The following RELN variants were observed in gnomAD, a reference collection of about 807,000 sequenced individuals.
RELN encodes reelin.
RELN carries 108 observed loss-of-function variants against 427.6 expected under a neutral mutation model. The observed-to-expected ratio is 0.25, with a 90% CI of 0.22 to 0.30. The LOEUF is 0.30. RELN is among the 10% of genes least tolerant of loss of function. The probability of loss-of-function intolerance (pLI) is 1.00; values close to 1 mark genes in which losing one functional copy is unlikely to be tolerated. For synonymous variants in RELN, 1,524 were observed against 1,513.4 expected (o/e 1.01, Z -0.16); for missense variants, 3,715 against 4,302.8 (o/e 0.86, Z 3.82).
At chr7:103,947,478 T>G (rs1796244069) in intron 1 of RELN, among the ~76,000 whole-genome samples, 1 of 152,106 alleles carries the variant, frequency 6.6e-6, no homozygotes, top group African/African-American at 2.4e-5. Context: ...AGGAATGCAA[T>G]ATGAAGAAAC....
intron 8 of RELN, among the ~76,000 whole-genome samples, chr7:103,707,164 G>T (rs536271096): frequency 6.6e-6 from 1 of 151,864 alleles, no homozygotes; most frequent in Admixed American, 6.6e-5. Context: ...ATTTATACCC[G>T]TTTTTTCCCT....
At position 103,968,500 on chromosome 7, in the gene RELN, A is replaced by G. The variant is rs928300245; in HGVS notation, c.226+20631T>C. 6.6e-6 allele frequency among the ~76,000 whole-genome samples: 1 copy of G among 152,206 alleles called. No homozygotes were observed. The highest frequency in any genetic ancestry group is 1.5e-5 in the Non-Finnish European group (1 of 68,034). ...GAAATTAGGGGACAGAAAAAAAAATAAAAGTATGAAAGAAATTGTAAAAGG... is the reference window on the plus strand; with the variant it reads ...GAAATTAGGGGACAGAAAAAAAAATGAAAGTATGAAAGAAATTGTAAAAGG... On this transcript the variant is annotated intron_variant, in intron 1 of 64. Transcript: ENST00000428762. The surrounding 1 kb of genome is among the most constrained non-coding windows in gnomAD (Gnocchi z 4.3).
chr7:103,742,629 C>A (rs1188386667), intron 6 of RELN, among the ~76,000 whole-genome samples: 1 of 152,132 alleles, frequency 6.6e-6, no homozygotes, highest in Admixed American at 6.5e-5. Context: ...GCAGAAGCCT[C>A]AGTAGCCAAT....
At chr7:103,762,956 C>T (rs2116140319) in intron 4 of RELN, among the ~76,000 whole-genome samples, 1 of 152,184 alleles carries the variant, frequency 6.6e-6, no homozygotes, top group East Asian at 1.9e-4. Context: ...GATGCATGCC[C>T]CCAGGACTTC....
chr7:103,754,121 T>C (rs1791072490), intron 4 of RELN, among the ~76,000 whole-genome samples: 1 of 152,110 alleles, frequency 6.6e-6, no homozygotes, highest in African/African-American at 2.4e-5. Context: ...AGGCCAAATA[T>C]TTCTTAAGAT....
At chr7:103,954,527 T>C (rs1796396520) in intron 1 of RELN, among the ~76,000 whole-genome samples, 1 of 152,222 alleles carries the variant, frequency 6.6e-6, no homozygotes, top group Non-Finnish European at 1.5e-5. Context: ...TCATCCTTTC[T>C]GGACATTCAC....
At chr7:103,486,167 G>A in intron 61 of RELN, 30 bp downstream of exon 61, 2 of 1,598,178 alleles carry the variant, frequency 1.3e-6, no homozygotes, top group African/African-American at 2.7e-5. Flanking sequence ...CTAATTCTAT[G>A]TCTGGACTAA....
chr7:103,487,434 GA>G (rs1311078105), intron 60 of RELN, among the ~76,000 whole-genome samples: 2 of 130,020 alleles, frequency 1.5e-5, no homozygotes, highest in Non-Finnish European at 3.2e-5. Flanking sequence ...CAAAATCCAG[GA>G]AAAAAAATGA....
chr7:103,790,817 C>G (rs780225493), intron 3 of RELN, among the ~76,000 whole-genome samples: 10 of 151,910 alleles, frequency 6.6e-5, no homozygotes, highest in Non-Finnish European at 1.5e-4. Flanking sequence ...CAAAAATCAG[C>G]CAGGTGTGGT....
At chr7:103,757,896 G>A (rs575931027) in intron 4 of RELN, among the ~76,000 whole-genome samples, 1 of 152,168 alleles carries the variant, frequency 6.6e-6, no homozygotes, top group South Asian at 2.1e-4. Context: ...ACTGTACATA[G>A]AGGCTGGAAG....
chr7:103,803,809 A>G lies in RELN; in HGVS notation c.474-27182T>C, dbSNP rs112904085. ...AACTGGCAAGGTTACAGCTCTTAGG[A>G]GTCTGTCATTTTTCTTCTGCTCCTC... On this transcript the variant is annotated intron_variant, in intron 3 of 64. Coordinates refer to ENST00000428762, the MANE Select transcript of RELN (RefSeq NM_005045.4). Among the ~76,000 whole-genome samples, 516 of 152,148 alleles carry G rather than the reference A, an allele frequency of 3.4e-3. 3 individuals are homozygous for G. Among genetic ancestry groups the G allele is most frequent in the African/African-American group, 0.012 (492 of 41,554 alleles).
intron 2 of RELN, among the ~76,000 whole-genome samples, chr7:103,898,065 T>C (rs1795000529): frequency 2.0e-5 from 3 of 152,086 alleles, no homozygotes; most frequent in Non-Finnish European, 2.9e-5. Flanking sequence ...ACTGACCATG[T>C]CAAATAACAG....
At chr7:103,802,234 T>C (rs1030574606) in intron 3 of RELN, among the ~76,000 whole-genome samples, 2 of 152,154 alleles carry the variant, frequency 1.3e-5, no homozygotes, top group Non-Finnish European at 2.9e-5. Flanking sequence ...CACAGGGTCT[T>C]GCAAAACTTT....
At chr7:103,802,908 T>C (rs1219977517) in intron 3 of RELN, among the ~76,000 whole-genome samples, 4 of 152,186 alleles carry the variant, frequency 2.6e-5, no homozygotes, top group Non-Finnish European at 1.5e-5. Context: ...GCTTTAAGAA[T>C]GCCAGCAACT....
chr7:103,510,946 C>G lies in RELN; in HGVS notation c.8179G>C (p.Asp2727His). 1.2e-6 allele frequency: 2 copies of G among 1,613,090 alleles called. No individual in the cohort carries two copies. Among genetic ancestry groups the G allele is most frequent in the East Asian group, 2.2e-5 (1 of 44,874 alleles). Residue 2727 changes from aspartate (D) to histidine (H), a missense_variant, in exon 51 of 65, where the codon GAT becomes CAT. By Grantham distance (81) the Asp-to-His change is moderately conservative (BLOSUM62 -1). Transcript: ENST00000428762. Reference sequence around the variant, plus strand: ...TGACTGCCACAGAGCATCACACCATCAGGGGAGTCACAGAATCTTTCTACT... The same window carrying G: ...TGACTGCCACAGAGCATCACACCATGAGGGGAGTCACAGAATCTTTCTACT... Reference protein sequence around the residue: ...CTVERFCDSPDGVMLCGSHDG... With the variant: ...CTVERFCDSPHGVMLCGSHDG...
chr7:103,553,964 T>A, intron 38 of RELN, 133 bp from the exon 39 acceptor site: 1 of 752,770 alleles, frequency 1.3e-6, no homozygotes, highest in South Asian at 1.5e-5. Flanking sequence ...TACAGGAGGA[T>A]TGTTTGAGCC....
intron 8 of RELN, among the ~76,000 whole-genome samples, chr7:103,711,221 T>C (rs538780141): frequency 6.6e-6 from 1 of 152,326 alleles, no homozygotes; most frequent in East Asian, 1.9e-4. Context: ...TATTTCTTTT[T>C]GCATTCTAAA....
At chr7:103,763,430 A>G (rs1445091919) in intron 4 of RELN, among the ~76,000 whole-genome samples, 1 of 152,220 alleles carries the variant, frequency 6.6e-6, no homozygotes, top group Non-Finnish European at 1.5e-5. Flanking sequence ...AAGGGATCCA[A>G]AGTGTAGTAT....
At chr7:103,958,258 C>G (rs1039715077) in intron 1 of RELN, among the ~76,000 whole-genome samples, 6 of 152,272 alleles carry the variant, frequency 3.9e-5, no homozygotes, top group African/African-American at 1.4e-4. Flanking sequence ...CAAAAAAGAC[C>G]CAGTGACAGC....
Sources: allele counts gnomAD v4.1 joint callset (sites outside exome capture counted in the v4.1 genomes callset), GRCh38; gene constraint gnomAD v4.1.1; non-coding constraint Gnocchi (gnomAD v3.1); transcripts MANE v1.5; gene names NCBI Gene and HGNC (gene_info 2026-07-23, HGNC 2026-07-21).